Variants in SETBP1 observed in about 807,000 individuals in gnomAD.
The protein encoded by SETBP1 is SET-binding protein.
SETBP1 carries 9 observed loss-of-function variants against 101.0 expected under a neutral mutation model. The observed-to-expected ratio is 0.09, with a 90% CI of 0.05 to 0.16. The LOEUF (loss-of-function observed/expected upper bound fraction) is 0.16. Ranked by LOEUF, SETBP1 falls within the 10% of genes least tolerant of loss-of-function variation. The pLI is 1.00. For missense variants in SETBP1, 1,858 were observed against 2,033.8 expected (o/e 0.91, Z 1.66); for synonymous variants, 818 against 788.5 (o/e 1.04, Z -0.63).
chr18:44,808,456 C>G (rs1000958084), intron 2 of SETBP1, among the ~76,000 whole-genome samples: 2 of 152,158 alleles, frequency 1.3e-5, no homozygotes, highest in Admixed American at 6.5e-5. Flanking sequence ...TCAGAGCCAA[C>G]GAGAGTAGCT....
At position 44,875,850 on chromosome 18, in the gene SETBP1, G is replaced by A. The variant is rs535378024; in HGVS notation, c.540+6567G>A. Among the ~76,000 whole-genome samples, 8 of 152,312 alleles carry A rather than the reference G, an allele frequency of 5.3e-5. No homozygotes were observed. The South Asian group carries it at 8.3e-4, about 16-fold the overall frequency. Reference sequence around the variant, plus strand: ...GTGCTAGAAGTGGGATTTGAACTCAGGTAGTCTGGCTCCAATATCTGTATT... The same window carrying A: ...GTGCTAGAAGTGGGATTTGAACTCAAGTAGTCTGGCTCCAATATCTGTATT... On this transcript the variant is annotated intron_variant, in intron 3 of 5. Transcript: ENST00000649279.
chr18:44,860,342 T>A (rs551980417), intron 2 of SETBP1, among the ~76,000 whole-genome samples: 9 of 152,214 alleles, frequency 5.9e-5, no homozygotes. Context: ...ACAACCCAGA[T>A]TGTGCTCCTG....
chr18:44,916,971 G>A (rs1416738920), intron 3 of SETBP1, among the ~76,000 whole-genome samples: 1 of 152,192 alleles, frequency 6.6e-6, no homozygotes, highest in Non-Finnish European at 1.5e-5. Flanking sequence ...TGGTTTCCCA[G>A]ACCTCATCAG....
At chr18:44,768,551 G>A (rs2070808205) in intron 2 of SETBP1, among the ~76,000 whole-genome samples, 1 of 152,164 alleles carries the variant, frequency 6.6e-6, no homozygotes, top group Non-Finnish European at 1.5e-5. Flanking sequence ...GTTCCATTAA[G>A]GATCTGTCAA....
In SETBP1 at chr18:45,026,589, G is replaced by A. The variant is rs79677813; in HGVS notation, c.4001-11896G>A. Among the ~76,000 whole-genome samples the A allele has an allele frequency of 7.9e-5, 12 of 152,276 alleles. No homozygotes were observed. In the East Asian group the frequency reaches 1.4e-3, roughly 17 times the overall value. On this transcript the variant is annotated intron_variant, in intron 4 of 5. Transcript: ENST00000649279. ...CCTACCTGATTGCCAAGGATGTAAC[G>A]TGCATACTTGGTACATTGTACTACT...
chr18:45,056,785 A>T (rs536708420), intron 5 of SETBP1, among the ~76,000 whole-genome samples: 4 of 152,140 alleles, frequency 2.6e-5, no homozygotes, highest in Non-Finnish European at 5.9e-5. Context: ...CTCACACTTA[A>T]CATACCCCAC....
At chr18:44,829,720 G>C (rs993465619) in intron 2 of SETBP1, among the ~76,000 whole-genome samples, 13 of 152,196 alleles carry the variant, frequency 8.5e-5, no homozygotes, top group African/African-American at 3.1e-4. Context: ...TTCTATAACG[G>C]AGGGGCAAAG....
rs558894912 is a variant in SETBP1 at position 44,692,669 on chromosome 18, G to A, written c.-172-8506G>A. ...CAGGGAAGTGAGAGCAAGACCGTGCGTGTGTGTGTCTGTGCACATGTGTAT... is the reference window on the plus strand; with the variant it reads ...CAGGGAAGTGAGAGCAAGACCGTGCATGTGTGTGTCTGTGCACATGTGTAT... On this transcript the variant is annotated intron_variant, in intron 1 of 5. Coordinates refer to ENST00000649279, the MANE Select transcript of SETBP1 (RefSeq NM_015559.3). Among the ~76,000 whole-genome samples, 124 of 152,302 alleles carry A rather than the reference G, an allele frequency of 8.1e-4. 3 individuals are homozygous for A. In the South Asian group the frequency reaches 0.025, roughly 31 times the overall value.
At chr18:44,845,406 C>T (rs2072704533) in intron 2 of SETBP1, among the ~76,000 whole-genome samples, 1 of 152,228 alleles carries the variant, frequency 6.6e-6, no homozygotes. Flanking sequence ...AGGCTTCACA[C>T]TTCATCTCAT....
intron 2 of SETBP1, among the ~76,000 whole-genome samples, chr18:44,805,222 T>C (rs1273643647): frequency 6.6e-6 from 1 of 152,154 alleles, no homozygotes; most frequent in African/African-American, 2.4e-5. Flanking sequence ...TGAGAAACCG[T>C]TTAAGACTCC....
At chr18:44,851,022 G>A (rs991575151) in intron 2 of SETBP1, among the ~76,000 whole-genome samples, 2 of 152,176 alleles carry the variant, frequency 1.3e-5, no homozygotes, top group African/African-American at 4.8e-5. Flanking sequence ...GATCTATTCT[G>A]TTAGGTGTGG....
chr18:44,780,618 A>G (rs1343442004), intron 2 of SETBP1, among the ~76,000 whole-genome samples: 1 of 152,206 alleles, frequency 6.6e-6, no homozygotes, highest in Admixed American at 6.5e-5. Flanking sequence ...TTATCCAGTC[A>G]ATCAACAAAT....
At chr18:44,822,858 T>G (rs1005532935) in intron 2 of SETBP1, among the ~76,000 whole-genome samples, 6 of 152,154 alleles carry the variant, frequency 3.9e-5, no homozygotes, top group African/African-American at 1.4e-4. Context: ...AGTATAGAAA[T>G]AAGAGAGAAT....
At chr18:44,831,751 T>A (rs1267991099) in intron 2 of SETBP1, among the ~76,000 whole-genome samples, 1 of 152,242 alleles carries the variant, frequency 6.6e-6, no homozygotes, top group Non-Finnish European at 1.5e-5. Context: ...CTATTGGTTC[T>A]GGGTAACACA....
chr18:44,701,264 T>G lies in SETBP1; in HGVS notation c.-83T>G. The G allele has an allele frequency of 7.0e-7, 1 of 1,426,994 alleles. No homozygotes were observed. Among genetic ancestry groups the G allele is most frequent in the Non-Finnish European group, 9.3e-7 (1 of 1,080,648 alleles). 88.4% of individuals were successfully genotyped at this position (1,426,994 alleles called of 1,614,324 possible). A position where few individuals can be genotyped will look rare whatever the true frequency, so the allele number is the denominator to read the frequency against. ...ACTGGACCACTTTGTTCTTGGAATTTTGGGTGTCCTCTTTTCTCACCTTTC... is the reference window on the plus strand; with the variant it reads ...ACTGGACCACTTTGTTCTTGGAATTGTGGGTGTCCTCTTTTCTCACCTTTC... On this transcript the variant is annotated 5_prime_UTR_variant, in exon 2 of 6. Coordinates refer to ENST00000649279, the MANE Select transcript of SETBP1 (RefSeq NM_015559.3).
rs1386248967 is a variant in SETBP1 at position 44,949,864 on chromosome 18, A to T, written c.541-17A>T. On this transcript the variant is annotated splice_polypyrimidine_tract_variant and intron_variant, in intron 3 of 5. Transcript: ENST00000649279. ...TCTCTCTCTGTCTCTCTCCCTCTCC[A>T]CTCCACCCACCCTTAGGCTTACGAG... 1 of 1,595,336 alleles carries T rather than the reference A, an allele frequency of 6.3e-7. No homozygotes were observed. The highest frequency in any genetic ancestry group is 8.6e-7 in the Non-Finnish European group (1 of 1,166,062).
At chr18:44,732,648 T>G (rs990997494) in intron 2 of SETBP1, 1 of 152,224 alleles carries the variant, frequency 6.6e-6, no homozygotes, top group East Asian at 1.9e-4. Context: ...AATAAATTAC[T>G]CTAAAAAGAA....
chr18:44,808,783 T>A (rs2071801327), intron 2 of SETBP1, among the ~76,000 whole-genome samples: 1 of 152,126 alleles, frequency 6.6e-6, no homozygotes, highest in Admixed American at 6.5e-5. Flanking sequence ...GGGAAGAGAT[T>A]TCAGAAATTG....
chr18:44,892,502 A>T (rs2069794661), intron 3 of SETBP1, among the ~76,000 whole-genome samples: 1 of 152,118 alleles, frequency 6.6e-6, no homozygotes, highest in African/African-American at 2.4e-5. Flanking sequence ...TTAGCTCTAA[A>T]ATAGGTTGTG....
Sources: allele counts gnomAD v4.1 joint callset (sites outside exome capture counted in the v4.1 genomes callset), GRCh38; gene constraint gnomAD v4.1.1; transcripts MANE v1.5; gene names NCBI Gene and HGNC (gene_info 2026-07-23, HGNC 2026-07-21).